The following MICU1 variants were observed in gnomAD, a reference collection of about 807,000 sequenced individuals.
MICU1 encodes mitochondrial calcium uptake 1.
Under a neutral mutation model 56.8 loss-of-function variants are expected in MICU1, and 45 were observed. The ratio of observed to expected loss-of-function variants is 0.79; its 90% confidence interval spans 0.62 to 1.02. MICU1 has a LOEUF of 1.02. Ranked by LOEUF, MICU1 falls within the 50% of genes least tolerant of loss-of-function variation. MICU1 has a pLI of 0.00. For synonymous variants in MICU1, 186 were observed against 195.1 expected, an observed-to-expected ratio of 0.95 and a Z score of 0.39; for missense variants, 504 against 587.1, an observed-to-expected ratio of 0.86 and a Z score of 1.46.
At chr10:72,484,656 A>G (rs1273928269) in intron 6 of MICU1, among the ~76,000 whole-genome samples, 1 of 152,154 alleles carries the variant, frequency 6.6e-6, no homozygotes, top group Non-Finnish European at 1.5e-5. Flanking sequence ...TGAGCTCAGG[A>G]GATCAGAGGA....
intron 1 of MICU1, among the ~76,000 whole-genome samples, chr10:72,586,946 G>C (rs1312639871): frequency 1.3e-5 from 2 of 152,158 alleles, no homozygotes; most frequent in Non-Finnish European, 2.9e-5. Context: ...TCCCTAGCAT[G>C]TTTTGAAGAC....
At chr10:72,496,486 G>C (rs542292905) in intron 6 of MICU1, among the ~76,000 whole-genome samples, 1 of 152,242 alleles carries the variant, frequency 6.6e-6, no homozygotes, top group Non-Finnish European at 1.5e-5. Flanking sequence ...ATTTTTAGTA[G>C]AGATGGGGTT....
intron 10 of MICU1, among the ~76,000 whole-genome samples, chr10:72,395,653 CA>C (rs756361716): frequency 1.8e-4 from 28 of 152,232 alleles, no homozygotes; most frequent in Non-Finnish European, 3.2e-4. Context: ...TGGAGGTTCC[CA>C]TGCCCACGGA....
intron 8 of MICU1, among the ~76,000 whole-genome samples, chr10:72,466,081 C>T (rs1865787071): frequency 6.6e-6 from 1 of 152,144 alleles, no homozygotes; most frequent in Non-Finnish European, 1.5e-5. Flanking sequence ...GGCACATCTA[C>T]ATTACCAGCA....
At chr10:72,390,488 T>A (rs1293060615) in intron 10 of MICU1, among the ~76,000 whole-genome samples, 1 of 150,338 alleles carries the variant, frequency 6.7e-6, no homozygotes, top group African/African-American at 2.4e-5. Context: ...CATGGAATAC[T>A]TTTTTTTTTC....
At chr10:72,514,241 C>A (rs1457824504) in intron 5 of MICU1, among the ~76,000 whole-genome samples, 1 of 152,130 alleles carries the variant, frequency 6.6e-6, no homozygotes, top group Admixed American at 6.6e-5. Context: ...TTAGTTCATA[C>A]ATCATCCTTT....
chr10:72,437,666 A>G (rs982237297), intron 8 of MICU1, among the ~76,000 whole-genome samples: 15 of 152,206 alleles, frequency 9.9e-5, no homozygotes, highest in African/African-American at 2.4e-5. Context: ...TCATGTGCAA[A>G]GACACACATG....
At chr10:72,466,091 A>G (rs1167118912) in intron 8 of MICU1, among the ~76,000 whole-genome samples, 1 of 152,178 alleles carries the variant, frequency 6.6e-6, no homozygotes, top group Non-Finnish European at 1.5e-5. Context: ...CATTACCAGC[A>G]TCACTACTCT....
rs535196850 is a variant in MICU1 at position 72,442,904 on chromosome 10, G to A, written c.934-19533C>T. On this transcript the variant is annotated intron_variant, in intron 8 of 11. Transcript: ENST00000361114. ...CCTGAGTAGCTGGGACTACAGGCAC[G>A]GGCTATCATACCCGTTTAATTTTTG... is the stretch of plus-strand genomic sequence containing the variant. Among the ~76,000 whole-genome samples the A allele has an allele frequency of 1.2e-3, 189 of 152,072 alleles. 1 individual carries two copies. The highest frequency in any genetic ancestry group is 4.0e-3 in the African/African-American group (167 of 41,488).
At chr10:72,402,308 A>G (rs1358475626) in intron 10 of MICU1, among the ~76,000 whole-genome samples, 2 of 152,154 alleles carry the variant, frequency 1.3e-5, no homozygotes, top group Non-Finnish European at 2.9e-5. Context: ...GTTTAAAGGC[A>G]TTTTGTTCCT....
intron 6 of MICU1, among the ~76,000 whole-genome samples, chr10:72,492,868 A>T (rs1367355626): frequency 6.6e-6 from 1 of 151,214 alleles, no homozygotes; most frequent in Non-Finnish European, 1.5e-5. Context: ...TGTAATCCCA[A>T]CACTTTGGGA....
chr10:72,572,148 A>G (rs1388385000), intron 1 of MICU1, among the ~76,000 whole-genome samples: 2 of 152,150 alleles, frequency 1.3e-5, no homozygotes. Context: ...AAGCTCACTC[A>G]CTGGTAAAAT....
chr10:72,395,441 G>A (rs1863217368), intron 10 of MICU1, among the ~76,000 whole-genome samples: 2 of 152,200 alleles, frequency 1.3e-5, no homozygotes, highest in South Asian at 4.1e-4. Context: ...TGGACAGTGG[G>A]TGCAGCCCAC....
At chr10:72,521,801 G>A (rs1450263907) in intron 5 of MICU1, among the ~76,000 whole-genome samples, 1 of 151,998 alleles carries the variant, frequency 6.6e-6, no homozygotes, top group East Asian at 1.9e-4. Flanking sequence ...TATTTACCTT[G>A]GGGCTTAGCT....
intron 1 of MICU1, among the ~76,000 whole-genome samples, chr10:72,603,268 T>C (rs1011221008): frequency 6.6e-6 from 1 of 151,346 alleles, no homozygotes; most frequent in Non-Finnish European, 1.5e-5. Context: ...ACACCTGTAA[T>C]CCCAGCTACT....
chr10:72,390,769 A>G (rs1159705670), intron 10 of MICU1, among the ~76,000 whole-genome samples: 1 of 152,204 alleles, frequency 6.6e-6, no homozygotes, highest in African/African-American at 2.4e-5. Context: ...CCACTGGTAT[A>G]AATTAGGGCC....
At chr10:72,561,969 G>A (rs552852827) in intron 3 of MICU1, among the ~76,000 whole-genome samples, 3 of 151,926 alleles carry the variant, frequency 2.0e-5, no homozygotes, top group Admixed American at 6.6e-5. Flanking sequence ...GCAACTGAAC[G>A]CAACTCCCTG....
intron 3 of MICU1, among the ~76,000 whole-genome samples, chr10:72,555,559 T>TAC (rs1170157180): frequency 6.6e-6 from 1 of 152,190 alleles, no homozygotes; most frequent in Non-Finnish European, 1.5e-5. Context: ...CTGTGATGAG[T>TAC]ACCTCACTCA....
chr10:72,581,010 CAAGATGCCA>C, intron 1 of MICU1, among the ~76,000 whole-genome samples: 1 of 152,090 alleles, frequency 6.6e-6, no homozygotes, highest in Non-Finnish European at 1.5e-5. Context: ...TAATAGCAAA[CAAGATGCCA>C]AACTCCACAC....
Sources: gnomAD v4.1 joint callset for allele counts (sites outside exome capture counted in the v4.1 genomes callset) on GRCh38, gnomAD v4.1.1 for gene constraint, MANE v1.5 for transcripts, NCBI Gene and HGNC (gene_info 2026-07-23, HGNC 2026-07-21) for gene names.